EDC3: variants seen among roughly 807,000 people sequenced by gnomAD.
EDC3 encodes enhancer of mRNA decapping 3, also known as enhancer of mRNA-decapping protein 3.
Under a neutral mutation model 41.8 loss-of-function variants are expected in EDC3, and 20 were observed. The observed-to-expected ratio is 0.48, with a 90% CI of 0.34 to 0.70. The LOEUF (loss-of-function observed/expected upper bound fraction) is 0.70, where lower values mean the gene tolerates loss of function less well. EDC3 is among the 30% of genes least tolerant of loss of function. EDC3 has a pLI of 0.01. For synonymous variants in EDC3, 206 were observed against 243.2 expected (o/e 0.85, Z 1.42); for missense variants, 444 against 636.8 (o/e 0.70, Z 3.26).
intron 1 of EDC3, among the ~76,000 whole-genome samples, chr15:74,690,260 T>G (rs1266783473): frequency 1.3e-5 from 2 of 152,224 alleles, no homozygotes; most frequent in East Asian, 1.9e-4. Context: ...TGGGACTATT[T>G]TGCTCAAATG....
chr15:74,692,548 A>G (rs1342070671), intron 1 of EDC3, among the ~76,000 whole-genome samples: 1 of 152,232 alleles, frequency 6.6e-6, no homozygotes. Context: ...CAAAGATGAC[A>G]TAAAAAAAAG....
chr15:74,683,960 G>A (rs1243655763), intron 1 of EDC3, among the ~76,000 whole-genome samples: 1 of 151,854 alleles, frequency 6.6e-6, no homozygotes, highest in African/African-American at 2.4e-5. Context: ...AGAGGCTGAG[G>A]CAAGAAGATC....
Position 74,666,742 on chromosome 15 carries a change from A to G in EDC3, c.484+4713T>C, listed in dbSNP as rs1436479555. 2.0e-5 allele frequency among the ~76,000 whole-genome samples: 3 copies of G among 152,194 alleles called. No homozygotes were observed. The East Asian group carries it at 5.8e-4, about 29-fold the overall frequency. ...ACAAGAGATTGTTTAGGACAATGAA[A>G]CTATTCTGTTTAATACTGTAATGAC... On this transcript the variant is annotated intron_variant, in intron 3 of 6. Transcript: ENST00000315127.
chr15:74,671,603 A>ACTG lies in EDC3; in HGVS notation c.333_335dup (p.Ser112dup), dbSNP rs939926716. ...TCCTCTTAGGGATATTCTGAGGGGC[A>ACTG]CTGCTGGAAGAGGCTGGCTTCTTGA... On this transcript the variant is annotated inframe_insertion, in exon 3 of 7. Transcript: ENST00000315127. The surrounding 1 kb of genome is among the most constrained non-coding windows in gnomAD (Gnocchi z 4.6). 3.1e-6 allele frequency: 5 copies of ACTG among 1,614,064 alleles called. No homozygotes were observed. In the Admixed American group the frequency reaches 5.0e-5, roughly 16 times the overall value.
At chr15:74,694,106 TAGG>T (rs2063039245) in intron 1 of EDC3, among the ~76,000 whole-genome samples, 1 of 152,226 alleles carries the variant, frequency 6.6e-6, no homozygotes, top group African/African-American at 2.4e-5. Context: ...TGGCTGAATT[TAGG>T]AGAACTCTAG....
At chr15:74,675,884 A>G (rs1167554711) in intron 1 of EDC3, among the ~76,000 whole-genome samples, 1 of 151,634 alleles carries the variant, frequency 6.6e-6, no homozygotes, top group African/African-American at 2.4e-5. Context: ...CTGCCTCAAA[A>G]AAAAAAAAAA....
At chr15:74,650,548 C>T (rs775558787) in intron 4 of EDC3, among the ~76,000 whole-genome samples, 1 of 152,220 alleles carries the variant, frequency 6.6e-6, no homozygotes. Flanking sequence ...TCCACACTTT[C>T]ACTGGACTCT....
chr15:74,683,919 G>A (rs1310400553), intron 1 of EDC3, among the ~76,000 whole-genome samples: 1 of 152,030 alleles, frequency 6.6e-6, no homozygotes, highest in African/African-American at 2.4e-5. Context: ...GGCCAGGCAT[G>A]GTGGCTCACA....
At chr15:74,670,494 A>G (rs780436058) in intron 3 of EDC3, among the ~76,000 whole-genome samples, 1 of 152,140 alleles carries the variant, frequency 6.6e-6, no homozygotes, top group Non-Finnish European at 1.5e-5. Flanking sequence ...GAGTGGCACA[A>G]TATCAGCTCA....
intron 4 of EDC3, chr15:74,643,190 C>T (rs2062374298): frequency 6.6e-6 from 1 of 152,174 alleles, no homozygotes; most frequent in Non-Finnish European, 1.5e-5. Flanking sequence ...AGGAAAGGAA[C>T]CAAGAACATA....
Position 74,671,383 on chromosome 15 carries a change from G to A in EDC3, c.484+72C>T. 1 of 1,472,148 alleles carries A rather than the reference G, an allele frequency of 6.8e-7. No individual in the cohort carries two copies. The highest frequency in any genetic ancestry group is 9.2e-7 in the Non-Finnish European group (1 of 1,081,566). The allele number at this position is 1,472,148 out of a possible 1,614,324, so 91.2% of individuals were successfully genotyped here. The stretch of plus-strand genomic sequence containing the variant: ...TGGAATAACAAAGGATTTGTTTAAA[G>A]AGCAGCAGTGCTTATGGCTTATAGC... On this transcript the variant is annotated intron_variant, in intron 3 of 6. Coordinates refer to ENST00000315127, the MANE Select transcript of EDC3 (RefSeq NM_025083.5). This position sits in a 1 kb window ranked among gnomAD's most constrained non-coding sequence, Gnocchi z 4.6.
chr15:74,655,591 A>C, intron 4 of EDC3, 142 bp downstream of exon 4: 4 of 789,774 alleles, frequency 5.1e-6, no homozygotes, highest in Non-Finnish European at 7.8e-6. Context: ...AATCCCCAAG[A>C]GACAATAATA....
Position 74,631,833 on chromosome 15 carries a change from G to C in EDC3, c.*779C>G, listed in dbSNP as rs1398092898. ...AGGCTCAACCTGCTCAGCTTTGAGGGTGGGGGCGGGCACTGCTGGCAAGAT... is the reference window on the plus strand; with the variant it reads ...AGGCTCAACCTGCTCAGCTTTGAGGCTGGGGGCGGGCACTGCTGGCAAGAT... On this transcript the variant is annotated 3_prime_UTR_variant, in exon 7 of 7. Coordinates refer to ENST00000315127, the MANE Select transcript of EDC3 (RefSeq NM_025083.5). 6.5e-6 allele frequency: 1 copy of C among 152,898 alleles called. No individual in the cohort carries two copies. The highest frequency in any genetic ancestry group is 1.5e-5 in the Non-Finnish European group (1 of 68,386). 9.5% of individuals were successfully genotyped at this position (152,898 alleles called of 1,614,324 possible).
intron 1 of EDC3, among the ~76,000 whole-genome samples, chr15:74,675,383 A>G (rs998452597): frequency 1.3e-5 from 2 of 151,940 alleles, no homozygotes; most frequent in Non-Finnish European, 2.9e-5. Context: ...CATACATTGG[A>G]TAAAGATATT....
intron 3 of EDC3, among the ~76,000 whole-genome samples, chr15:74,669,968 T>C (rs576041930): frequency 2.4e-4 from 37 of 151,146 alleles, no homozygotes; most frequent in African/African-American, 8.8e-4. Flanking sequence ...CTCAGCCTCC[T>C]GAGTAGCTGG....
intron 1 of EDC3, among the ~76,000 whole-genome samples, chr15:74,686,325 CA>C (rs879441549): frequency 3.8e-4 from 52 of 138,268 alleles, no homozygotes; most frequent in Admixed American, 6.5e-4. Flanking sequence ...GACTCGGTCT[CA>C]AAAAAAAAAA....
At chr15:74,659,292 A>G (rs1883730375) in intron 3 of EDC3, among the ~76,000 whole-genome samples, 1 of 150,974 alleles carries the variant, frequency 6.6e-6, no homozygotes, top group African/African-American at 2.4e-5. Flanking sequence ...GTGAAATGCC[A>G]TCTCTACTAA....
rs2062742709 is a variant in EDC3, at chr15:74,671,855, C to G, written c.165-81G>C. The G allele has an allele frequency of 7.1e-7, 1 of 1,402,852 alleles. No individual in the cohort carries two copies. The highest frequency in any genetic ancestry group is 9.9e-7 in the Non-Finnish European group (1 of 1,008,514). 86.9% of individuals were successfully genotyped at this position (1,402,852 alleles called of 1,614,324 possible). On this transcript the variant is annotated intron_variant, in intron 2 of 6. Transcript: ENST00000315127. The surrounding 1 kb of genome is among the most constrained non-coding windows in gnomAD (Gnocchi z 4.6). The stretch of plus-strand genomic sequence containing the variant: ...AACTGAGATCATTAGCAAACAGCTA[C>G]CCCTTTGCAGGACTGCATTTTATTG...
chr15:74,668,941 A>C (rs1427816936), intron 3 of EDC3, among the ~76,000 whole-genome samples: 1 of 152,136 alleles, frequency 6.6e-6, no homozygotes, highest in Non-Finnish European at 1.5e-5. Context: ...ACATACATTA[A>C]AACATTTTTT....
Sources: gnomAD v4.1 joint callset for allele counts (sites outside exome capture counted in the v4.1 genomes callset) on GRCh38, gnomAD v4.1.1 for gene constraint, Gnocchi (gnomAD v3.1) non-coding constraint, MANE v1.5 for transcripts, NCBI Gene and HGNC (gene_info 2026-07-23, HGNC 2026-07-21) for gene names.